Variants in PAPPA2 observed in about 807,000 individuals in gnomAD.
The protein encoded by PAPPA2 is pappalysin 2.
Under a neutral mutation model 176.4 loss-of-function variants are expected in PAPPA2, and 86 were observed. That is an observed-to-expected ratio of 0.49 (90% CI 0.41 to 0.58). PAPPA2 has a LOEUF of 0.58. Among genes scored for constraint, PAPPA2 ranks in the 20% least tolerant of loss-of-function variants. PAPPA2 has a pLI of 0.00. For missense variants in PAPPA2, 2,073 were observed against 2,256.9 expected (o/e 0.92, Z 1.65); for synonymous variants, 809 against 852.2 (o/e 0.95, Z 0.88).
intron 1 of PAPPA2, among the ~76,000 whole-genome samples, chr1:176,487,186 A>G (rs1471031214): frequency 6.6e-6 from 1 of 152,170 alleles, no homozygotes; most frequent in East Asian, 1.9e-4. Context: ...GCAATTCTAA[A>G]AAGGTGGCCC....
chr1:176,627,128 G>T (rs759464216), intron 3 of PAPPA2, among the ~76,000 whole-genome samples: 2 of 151,988 alleles, frequency 1.3e-5, no homozygotes, highest in Non-Finnish European at 2.9e-5. Context: ...AGAAAGACTG[G>T]CTCTGTTCTT....
chr1:176,721,735 CA>C (rs1034768411), intron 12 of PAPPA2, among the ~76,000 whole-genome samples: 2 of 152,042 alleles, frequency 1.3e-5, no homozygotes, highest in African/African-American at 2.4e-5. Context: ...TATGATGTTC[CA>C]AGGCCTACCT....
intron 4 of PAPPA2, among the ~76,000 whole-genome samples, chr1:176,682,110 T>A (rs771580995): frequency 6.6e-6 from 1 of 152,200 alleles, no homozygotes; most frequent in Non-Finnish European, 1.5e-5. Context: ...AAAGTTTACG[T>A]CAGTTGTGAT....
intron 3 of PAPPA2, among the ~76,000 whole-genome samples, chr1:176,623,758 C>CCTTCCTTCCTTCCTTCCTTCCTTTCTTT (rs1198828841): frequency 1.7e-5 from 1 of 59,042 alleles, no homozygotes; most frequent in African/African-American, 7.6e-5. Flanking sequence ...TTCCTTCCTT[C>CCTTCCTTCCTTCCTTCCTTCCTTTCTTT]CTTTCTTTCT....
At chr1:176,790,436 A>T (rs1481681444) in intron 18 of PAPPA2, among the ~76,000 whole-genome samples, 1 of 152,180 alleles carries the variant, frequency 6.6e-6, no homozygotes, top group Non-Finnish European at 1.5e-5. Flanking sequence ...ACACAGTCTT[A>T]TCTTTGTTGT....
intron 3 of PAPPA2, among the ~76,000 whole-genome samples, chr1:176,656,456 T>G (rs1346148071): frequency 6.6e-6 from 1 of 151,812 alleles, no homozygotes; most frequent in Admixed American, 6.6e-5. Flanking sequence ...CAGAGCAGAT[T>G]CTTGGCAAAA....
intron 2 of PAPPA2, among the ~76,000 whole-genome samples, chr1:176,560,922 G>A (rs150029402): frequency 1.3e-4 from 20 of 152,302 alleles, no homozygotes; most frequent in Admixed American, 5.2e-4. Flanking sequence ...CCTGAGCCCA[G>A]GTTTCTTCAT....
In PAPPA2 at chr1:176,711,990, C is replaced by A. The variant is rs1283998663; in HGVS notation, c.3798+9C>A. On this transcript the variant is annotated intron_variant, in intron 12 of 22. Transcript: ENST00000367662. ...ATGAGGTTTGGCTCAAAGTAAGTGG[C>A]CCAAATGTTTCTTTTGTGCATGTGA... The A allele has an allele frequency of 2.5e-6, 4 of 1,605,416 alleles. No individual in the cohort carries two copies. The highest frequency in any genetic ancestry group is 4.5e-5 in the East Asian group (2 of 44,610).
intron 12 of PAPPA2, among the ~76,000 whole-genome samples, chr1:176,731,244 A>G (rs1662125461): frequency 6.7e-6 from 1 of 150,308 alleles, no homozygotes; most frequent in African/African-American, 2.5e-5. Flanking sequence ...GATGTGTTTC[A>G]TTTTTTATTT....
chr1:176,821,035 C>G (rs139253437), intron 21 of PAPPA2, among the ~76,000 whole-genome samples: 10 of 152,174 alleles, frequency 6.6e-5, no homozygotes, highest in African/African-American at 9.7e-5. Context: ...GCTGCTCCCC[C>G]CAATGGCTAG....
chr1:176,803,264 G>T (rs2102952564), intron 21 of PAPPA2, among the ~76,000 whole-genome samples: 1 of 152,316 alleles, frequency 6.6e-6, no homozygotes, highest in South Asian at 2.1e-4. Context: ...AGGGATGCAT[G>T]TGATAGCATA....
intron 3 of PAPPA2, among the ~76,000 whole-genome samples, chr1:176,600,675 C>CAAAA (rs749068016): frequency 1.4e-3 from 111 of 80,832 alleles, no homozygotes; most frequent in Non-Finnish European, 1.8e-3. Flanking sequence ...GACTCCGTCT[C>CAAAA]AAAAAAAAAA....
intron 3 of PAPPA2, chr1:176,616,278 C>G: frequency 2.0e-6 from 1 of 501,224 alleles, no homozygotes; most frequent in Non-Finnish European, 3.9e-6. Flanking sequence ...TTATTGAATG[C>G]AACAGTTGTT....
rs183830028 is a variant in PAPPA2 at position 176,625,868 on chromosome 1, A to T, written c.1991+30273A>T. ...AGATCCCTGTGTCTACAAAAAATTTAAAAAATTATCCAGATGTAGTGGTGT... is the reference window on the plus strand; with the variant it reads ...AGATCCCTGTGTCTACAAAAAATTTTAAAAATTATCCAGATGTAGTGGTGT... On this transcript the variant is annotated intron_variant, in intron 3 of 22. Coordinates refer to ENST00000367662, the MANE Select transcript of PAPPA2 (RefSeq NM_020318.3). 3.3e-3 allele frequency among the ~76,000 whole-genome samples: 498 copies of T among 152,166 alleles called. 3 individuals carry two copies. Among genetic ancestry groups the T allele is most frequent in the African/African-American group, 0.01 (431 of 41,544 alleles).
At chr1:176,832,859 T>C (rs1179741067) in intron 21 of PAPPA2, among the ~76,000 whole-genome samples, 1 of 152,220 alleles carries the variant, frequency 6.6e-6, no homozygotes, top group Non-Finnish European at 1.5e-5. Flanking sequence ...TATTTGATTA[T>C]TTCTAAGACT....
chr1:176,595,148 GATACT>G lies in PAPPA2; in HGVS notation c.1545_1549del (p.Tyr516AlafsTer17). The stretch of plus-strand genomic sequence containing the variant: ...GTGGAATTGATCTCCCAGTACAATG[GATACT>G]GGCCCCTTCGGGGAGAGAAGGTGAT... On this transcript the variant is annotated frameshift_variant, in exon 3 of 23. Transcript: ENST00000367662. LOFTEE classifies it high-confidence loss of function. The G allele has an allele frequency of 1.2e-6, 2 of 1,614,216 alleles. 1 individual carries two copies. Among genetic ancestry groups the G allele is most frequent in the South Asian group, 2.2e-5 (2 of 91,076 alleles).
At chr1:176,733,278 AT>A (rs1662246054) in intron 12 of PAPPA2, among the ~76,000 whole-genome samples, 1 of 152,206 alleles carries the variant, frequency 6.6e-6, no homozygotes, top group Non-Finnish European at 1.5e-5. Flanking sequence ...AATTTCTAAA[AT>A]GATCTTGTGC....
chr1:176,726,696 A>C (rs1661890488), intron 12 of PAPPA2, among the ~76,000 whole-genome samples: 1 of 152,206 alleles, frequency 6.6e-6, no homozygotes, highest in Admixed American at 6.5e-5. Flanking sequence ...GAATTTTTCA[A>C]GGATGAGGAG....
rs369461463 is a variant in PAPPA2, at chr1:176,595,274, C to T, written c.1670C>T (p.Ala557Val). 44 of 1,614,068 alleles carry T rather than the reference C, an allele frequency of 2.7e-5. No individual in the cohort carries two copies. Among genetic ancestry groups the T allele is most frequent in the Non-Finnish European group, 3.7e-5 (44 of 1,180,042 alleles). ...CTGCAGCACGAGGCACTGAATGAGG[C>T]CTTCAGCCGCTACAACATCAGCTGG... ...IRLQHEALNE[A>V]FSRYNISWQL... Residue 557 changes from alanine (A) to valine (V), a missense_variant, in exon 3 of 23, where the codon GCC (alanine) becomes GTC (valine). This residue lies in a region of PAPPA2 where 1,196 missense variants were observed against 1,330.4 expected (regional missense o/e 0.90). Coordinates refer to ENST00000367662, the MANE Select transcript of PAPPA2 (RefSeq NM_020318.3).
Sources: allele counts gnomAD v4.1 joint callset (sites outside exome capture counted in the v4.1 genomes callset), GRCh38; gene constraint gnomAD v4.1.1; regional missense constraint gnomAD v4.1.1; transcripts MANE v1.5; gene names NCBI Gene and HGNC (gene_info 2026-07-23, HGNC 2026-07-21).